CCP110: variants seen among roughly 807,000 people sequenced by gnomAD.
The protein encoded by CCP110 is centriolar coiled-coil protein of 110 kDa.
CCP110 carries 43 observed loss-of-function variants against 105.5 expected under a neutral mutation model. That is an observed-to-expected ratio of 0.41 (90% CI 0.32 to 0.53). CCP110 has a LOEUF of 0.53. Ranked by LOEUF, CCP110 falls within the 20% of genes least tolerant of loss-of-function variation. The pLI is 0.32. For missense variants in CCP110, 1,016 were observed against 1,189.1 expected, an observed-to-expected ratio of 0.85 and a Z score of 2.14; for synonymous variants, 353 against 392.1, an observed-to-expected ratio of 0.90 and a Z score of 1.18.
chr16:19,542,562 T>A, intron 6 of CCP110, 59 bp from the exon 7 acceptor site: 1 of 1,290,968 alleles, frequency 7.7e-7, no homozygotes, highest in Admixed American at 1.8e-5. Flanking sequence ...TTTATTGGGA[T>A]GTTCTTCGTA....
chr16:19,540,871 G>T, intron 5 of CCP110, 84 bp downstream of exon 5: 1 of 1,237,072 alleles, frequency 8.1e-7, no homozygotes, highest in Non-Finnish European at 1.1e-6. Context: ...TAGAATACGT[G>T]TAATTTTTGC....
exon 6 of CCP110, chr16:19,542,035 C>T: frequency 2.5e-6 from 4 of 1,585,672 alleles, no homozygotes; most frequent in Non-Finnish European, 2.6e-6. Context: ...CAAGCGGACT[C>T]ACTCCATACT....
chr16:19,536,733 A>G lies in CCP110; in HGVS notation c.1064A>G (p.Lys355Arg), dbSNP rs747986482. The G allele has an allele frequency of 1.8e-5, 29 of 1,614,086 alleles. No individual in the cohort carries two copies. The highest frequency in any genetic ancestry group is 2.1e-5 in the Non-Finnish European group (25 of 1,180,042). ...TTTGTTACCGAAAATAATGTTATCA[A>G]AAGTCTTACAGGTTCATATGCCAAA... The change falls in exon 4 of 15, where the codon AAA becomes AGA. Residue 355 changes from lysine (K) to arginine (R), a missense_variant. By Grantham distance (26) the Lys-to-Arg change is conservative. Coordinates refer to ENST00000381396, the Ensembl canonical transcript of CCP110.
chr16:19,546,335 C>A, intron 11 of CCP110, 77 bp from the exon 12 acceptor site: 3 of 821,488 alleles, frequency 3.7e-6, no homozygotes, highest in African/African-American at 1.7e-5. Context: ...TTGTTTCTGT[C>A]ATCCTGTATT....
intron 11 of CCP110, 73 bp from the exon 12 acceptor site, chr16:19,546,339 C>T (rs1597278506): frequency 2.4e-6 from 2 of 843,684 alleles, no homozygotes; most frequent in African/African-American, 1.7e-5. Context: ...TTCTGTCATC[C>T]TGTATTACAT....
chr16:19,549,545 A>C (rs1970568204), intron 14 of CCP110, among the ~76,000 whole-genome samples: 1 of 152,210 alleles, frequency 6.6e-6, no homozygotes, highest in African/African-American at 2.4e-5. Flanking sequence ...GGATAATTTA[A>C]AAGATCATCT....
At chr16:19,529,845 T>C (rs534656539) in intron 2 of CCP110, among the ~76,000 whole-genome samples, 1 of 152,228 alleles carries the variant, frequency 6.6e-6, no homozygotes, top group Non-Finnish European at 1.5e-5. Flanking sequence ...TAGTATTTGC[T>C]TGTTATGTTT....
exon 4 of CCP110, chr16:19,537,253 C>A: frequency 1.2e-6 from 2 of 1,614,060 alleles, no homozygotes; most frequent in Non-Finnish European, 1.7e-6. Flanking sequence ...TCAAGCCAGC[C>A]AGTATGTTAG....
Position 19,535,311 on chromosome 16 carries a change from TA to T in CCP110, c.271-628del, listed in dbSNP as rs1416684400. Reference sequence around the variant, plus strand: ...TATTCTTTTGCAAAGTTGGATTATTTAGATACAAAATATCTATTTTTACATT... The same window carrying T: ...TATTCTTTTGCAAAGTTGGATTATTTGATACAAAATATCTATTTTTACATT... On this transcript the variant is annotated intron_variant, in intron 3 of 14. Coordinates refer to ENST00000381396, the Ensembl canonical transcript of CCP110. 2.0e-5 allele frequency among the ~76,000 whole-genome samples: 3 copies of T among 151,992 alleles called. No homozygotes were observed. In the East Asian group the frequency reaches 5.8e-4, roughly 29 times the overall value.
At chr16:19,545,687 A>C (rs760338332) in intron 10 of CCP110, 130 bp from the exon 11 acceptor site, 8 of 621,780 alleles carry the variant, frequency 1.3e-5, no homozygotes, top group African/African-American at 3.8e-5. Context: ...ATACAAAACA[A>C]GATGATTTAA....
chr16:19,544,310 T>C (rs976427089), intron 8 of CCP110, among the ~76,000 whole-genome samples: 1 of 152,224 alleles, frequency 6.6e-6, no homozygotes, highest in Non-Finnish European at 1.5e-5. Flanking sequence ...GTTTTTGACT[T>C]GCTTGAAAGT....
At chr16:19,535,746 G>A (rs1034558289) in intron 3 of CCP110, among the ~76,000 whole-genome samples, 194 bp from the exon 4 acceptor site, 3 of 152,150 alleles carry the variant, frequency 2.0e-5, no homozygotes, top group Non-Finnish European at 4.4e-5. Flanking sequence ...AGGATGACCA[G>A]TAGGCATCTT....
chr16:19,552,526 C>G (rs1390071709), exon 15 of CCP110: 1 of 92,786 alleles, frequency 1.1e-5, no homozygotes, highest in South Asian at 4.1e-4. Context: ...GACACTGTCT[C>G]AAAAAAAAAA....
intron 6 of CCP110, 124 bp from the exon 7 acceptor site, chr16:19,542,497 C>T (rs531548592): frequency 2.1e-5 from 14 of 670,572 alleles, no homozygotes; most frequent in Non-Finnish European, 2.5e-5. Context: ...TATTTTAAGT[C>T]GGCAGGTAGG....
chr16:19,544,397 A>G (rs550177407), intron 8 of CCP110, among the ~76,000 whole-genome samples: 4 of 152,328 alleles, frequency 2.6e-5, no homozygotes, highest in South Asian at 4.1e-4. Context: ...TGGGTTCCAC[A>G]TCTGTGGATT....
intron 2 of CCP110, among the ~76,000 whole-genome samples, chr16:19,531,897 C>T (rs369873880): frequency 3.6e-4 from 53 of 148,696 alleles, no homozygotes; most frequent in Non-Finnish European, 5.8e-4. Flanking sequence ...ACCCAGGAGG[C>T]GGAGGTTGCA....
intron 4 of CCP110, among the ~76,000 whole-genome samples, chr16:19,538,910 G>A (rs888601395): frequency 8.6e-5 from 13 of 151,820 alleles, no homozygotes; most frequent in Non-Finnish European, 1.8e-4. Context: ...TCAGGAGTTC[G>A]AGACCAAACT....
Position 19,551,417 on chromosome 16 carries a change from C to G in CCP110, c.*169C>G, listed in dbSNP as rs971886638. The G allele has an allele frequency of 1.4e-5, 9 of 660,772 alleles. No homozygotes were observed. The Admixed American group carries it at 1.8e-4, about 13-fold the overall frequency. 40.9% of individuals were successfully genotyped at this position (660,772 alleles called of 1,614,324 possible). ...TCAGTTTGGTAATTCCTGCTCCACA[C>G]CCCTATTTTCCTCTTAATAATACGT... is the stretch of plus-strand genomic sequence containing the variant. On this transcript the variant is annotated 3_prime_UTR_variant, in exon 15 of 15. Transcript: ENST00000381396.
At chr16:19,544,693 G>C (rs1433365965) in intron 8 of CCP110, 104 bp from the exon 9 acceptor site, 18 of 683,158 alleles carry the variant, frequency 2.6e-5, no homozygotes, top group Non-Finnish European at 4.7e-5. Context: ...AGATACTGAC[G>C]AAAGACTGTA....
Sources: allele counts gnomAD v4.1 joint callset (sites outside exome capture counted in the v4.1 genomes callset), GRCh38; gene constraint gnomAD v4.1.1; transcripts MANE v1.5; gene names NCBI Gene and HGNC (gene_info 2026-07-23, HGNC 2026-07-21).